The following SLC24A3 variants were observed in gnomAD, a reference collection of about 807,000 sequenced individuals.
SLC24A3 encodes the protein sodium/potassium/calcium exchanger 3.
SLC24A3 carries 28 observed loss-of-function variants against 75.8 expected under a neutral mutation model. That is an observed-to-expected ratio of 0.37 (90% confidence interval 0.27 to 0.51). The LOEUF (loss-of-function observed/expected upper bound fraction) is 0.51. Among genes scored for constraint, SLC24A3 ranks in the 20% least tolerant of loss-of-function variants. The pLI is 0.94. For synonymous variants in SLC24A3, 372 were observed against 334.1 expected (o/e 1.11, Z -1.24); for missense variants, 663 against 847.8 (o/e 0.78, Z 2.71).
chr20:19,609,701 C>G (rs1386835532), intron 6 of SLC24A3, among the ~76,000 whole-genome samples: 1 of 152,206 alleles, frequency 6.6e-6, no homozygotes, highest in Non-Finnish European at 1.5e-5. Context: ...TCAATGCAAC[C>G]ATTCTTTACT....
intron 2 of SLC24A3, among the ~76,000 whole-genome samples, chr20:19,396,635 T>C (rs1986459278): frequency 6.6e-6 from 1 of 152,248 alleles, no homozygotes; most frequent in African/African-American, 2.4e-5. Flanking sequence ...CAGCCTTTGG[T>C]TGGAATGAAA....
intron 2 of SLC24A3, among the ~76,000 whole-genome samples, chr20:19,303,205 T>C (rs1472955226): frequency 6.6e-6 from 1 of 152,122 alleles, no homozygotes; most frequent in Non-Finnish European, 1.5e-5. Flanking sequence ...TTGTTCCTTT[T>C]AGTATCCGTG....
intron 6 of SLC24A3, among the ~76,000 whole-genome samples, chr20:19,608,356 A>T (rs1474121811): frequency 6.6e-6 from 1 of 152,234 alleles, no homozygotes; most frequent in African/African-American, 2.4e-5. Flanking sequence ...ATACATATTA[A>T]AGACCACAAG....
chr20:19,313,578 T>C (rs1354895270), intron 2 of SLC24A3, among the ~76,000 whole-genome samples: 1 of 152,366 alleles, frequency 6.6e-6, no homozygotes, highest in Non-Finnish European at 1.5e-5. Context: ...ATTTCAGCTC[T>C]GAGGTCTGAA....
intron 7 of SLC24A3, among the ~76,000 whole-genome samples, chr20:19,656,129 G>C (rs560207202): frequency 1.8e-4 from 27 of 152,270 alleles, no homozygotes; most frequent in African/African-American, 6.3e-4. Context: ...ATGAACATGA[G>C]GGTTGACGTG....
intron 2 of SLC24A3, among the ~76,000 whole-genome samples, chr20:19,435,712 C>T (rs548109812): frequency 7.2e-5 from 11 of 152,268 alleles, no homozygotes; most frequent in African/African-American, 2.2e-4. Context: ...GTAGTTTTCT[C>T]GTCTGTCTAG....
At chr20:19,642,082 A>T (rs902046330) in intron 6 of SLC24A3, among the ~76,000 whole-genome samples, 2 of 152,208 alleles carry the variant, frequency 1.3e-5, no homozygotes, top group Admixed American at 6.5e-5. Flanking sequence ...TAAGAAAAAA[A>T]AGGCATGTAA....
chr20:19,482,746 G>A (rs771525582), intron 2 of SLC24A3, among the ~76,000 whole-genome samples: 1 of 152,154 alleles, frequency 6.6e-6, no homozygotes, highest in African/African-American at 2.4e-5. Context: ...GAAATATTCT[G>A]GACAGTGAGA....
At chr20:19,231,923 C>T (rs1982032830) in intron 1 of SLC24A3, among the ~76,000 whole-genome samples, 1 of 152,076 alleles carries the variant, frequency 6.6e-6, no homozygotes, top group South Asian at 2.1e-4. Flanking sequence ...TTGTTGTCAC[C>T]CTCCCCTAGC....
At chr20:19,504,472 A>G (rs905076843) in intron 2 of SLC24A3, among the ~76,000 whole-genome samples, 20 of 152,216 alleles carry the variant, frequency 1.3e-4, no homozygotes, top group African/African-American at 4.8e-4. Context: ...TTCCAAAAGC[A>G]CTATTTCAAG....
At chr20:19,403,602 C>G (rs1260687886) in intron 2 of SLC24A3, among the ~76,000 whole-genome samples, 3 of 152,108 alleles carry the variant, frequency 2.0e-5, no homozygotes, top group African/African-American at 7.2e-5. Context: ...ACTGTGGGAA[C>G]AAATAACGGG....
intron 2 of SLC24A3, among the ~76,000 whole-genome samples, chr20:19,427,730 C>A (rs550561778): frequency 6.6e-6 from 1 of 152,216 alleles, no homozygotes; most frequent in East Asian, 1.9e-4. Flanking sequence ...AAAGATCTCT[C>A]CTGGAAAAAA....
At chr20:19,515,384 TCATCCAA>T in intron 2 of SLC24A3, 97 bp from the exon 3 acceptor site, 1 of 1,053,004 alleles carries the variant, frequency 9.5e-7, no homozygotes, top group South Asian at 1.4e-5. Context: ...GATCTTTTTT[TCATCCAA>T]GTTCATGGAC....
intron 2 of SLC24A3, among the ~76,000 whole-genome samples, chr20:19,443,256 A>G (rs1987325376): frequency 6.6e-6 from 1 of 152,210 alleles, no homozygotes; most frequent in Non-Finnish European, 1.5e-5. Context: ...CATTGAACCC[A>G]TAGAGCAAGT....
intron 2 of SLC24A3, among the ~76,000 whole-genome samples, chr20:19,481,039 T>A (rs1268334275): frequency 1.3e-5 from 2 of 152,340 alleles, no homozygotes; most frequent in African/African-American, 4.8e-5. Context: ...AAATTTGCTG[T>A]GACTGCACAA....
At chr20:19,677,428 A>G (rs1264270043) in intron 9 of SLC24A3, among the ~76,000 whole-genome samples, 1 of 152,182 alleles carries the variant, frequency 6.6e-6, no homozygotes, top group Non-Finnish European at 1.5e-5. Context: ...CGAATCTAGA[A>G]AGTGTGGAGG....
In SLC24A3 at chr20:19,249,440, C is replaced by T. The variant is rs6035266; in HGVS notation, c.143-31519C>T. On this transcript the variant is annotated intron_variant, in intron 1 of 16. Coordinates refer to ENST00000328041, the MANE Select transcript of SLC24A3 (RefSeq NM_020689.4). ...TTTGTGTTGTTTGTCTTCACTAATTCCTGTGTCTCCAAATCTAGAGTGTCT... is the reference window on the plus strand; with the variant it reads ...TTTGTGTTGTTTGTCTTCACTAATTTCTGTGTCTCCAAATCTAGAGTGTCT... 9.8e-3 allele frequency among the ~76,000 whole-genome samples: 1,500 copies of T among 152,292 alleles called. 26 individuals are homozygous for T. The highest frequency in any genetic ancestry group is 0.033 in the African/African-American group (1,355 of 41,550).
At chr20:19,301,800 C>A (rs541347501) in intron 2 of SLC24A3, among the ~76,000 whole-genome samples, 1 of 152,302 alleles carries the variant, frequency 6.6e-6, no homozygotes, top group South Asian at 2.1e-4. Context: ...ATCTCCTCTT[C>A]AGCTCTTAAA....
chr20:19,288,723 G>A (rs572624586), intron 2 of SLC24A3, among the ~76,000 whole-genome samples: 10 of 152,320 alleles, frequency 6.6e-5, no homozygotes, highest in Non-Finnish European at 1.0e-4. Flanking sequence ...AGTCATAAAT[G>A]CAAAAACAAA....
Sources: gnomAD v4.1 joint callset for allele counts (sites outside exome capture counted in the v4.1 genomes callset) on GRCh38, gnomAD v4.1.1 for gene constraint, MANE v1.5 for transcripts, NCBI Gene and HGNC (gene_info 2026-07-23, HGNC 2026-07-21) for gene names.